The following NR3C1 variants were observed in gnomAD, a reference collection of about 807,000 sequenced individuals.
NR3C1 encodes glucocorticoid receptor.
A neutral mutation model predicts 74.0 loss-of-function variants in NR3C1; 14 were observed. The ratio of observed to expected loss-of-function variants is 0.19; its 90% confidence interval spans 0.12 to 0.30. The LOEUF (loss-of-function observed/expected upper bound fraction) is 0.30, where lower values mean the gene tolerates loss of function less well. NR3C1 is among the 10% of genes least tolerant of loss of function. The pLI, the probability that NR3C1 is intolerant of heterozygous loss-of-function variation, is 1.00. For synonymous variants in NR3C1, 308 were observed against 332.5 expected (o/e 0.93, Z 0.80); for missense variants, 695 against 909.8 (o/e 0.76, Z 3.04).
chr5:143,330,954 A>G (rs1347850031), intron 2 of NR3C1, among the ~76,000 whole-genome samples: 1 of 152,220 alleles, frequency 6.6e-6, no homozygotes, highest in Non-Finnish European at 1.5e-5. Context: ...GAAAAAAACT[A>G]TTTTAAAATT....
intron 2 of NR3C1, among the ~76,000 whole-genome samples, chr5:143,350,887 G>A (rs1400567664): frequency 6.6e-6 from 1 of 152,136 alleles, no homozygotes; most frequent in Non-Finnish European, 1.5e-5. Flanking sequence ...CAGGGCTGGT[G>A]CCAACAGTAG....
At chr5:143,403,878 G>A (rs1232489319), upstream of NR3C1, 3 of 977,372 alleles carry the variant, frequency 3.1e-6, no homozygotes, top group African/African-American at 5.3e-5. Flanking sequence ...GACGGCGCCT[G>A]CACGCCCGCG....
At chr5:143,325,348 A>G (rs890586720) in intron 2 of NR3C1, among the ~76,000 whole-genome samples, 1 of 152,244 alleles carries the variant, frequency 6.6e-6, no homozygotes, top group Non-Finnish European at 1.5e-5. Context: ...TGTGAGACTT[A>G]TTAACTATCA....
intron 2 of NR3C1, among the ~76,000 whole-genome samples, chr5:143,340,108 T>C (rs1827902753): frequency 6.6e-6 from 1 of 152,014 alleles, no homozygotes. Context: ...GCAAAACACA[T>C]ATACACAATA....
intron 2 of NR3C1, among the ~76,000 whole-genome samples, chr5:143,328,614 A>T (rs917038583): frequency 6.6e-6 from 1 of 152,210 alleles, no homozygotes; most frequent in African/African-American, 2.4e-5. Context: ...ATTTCAGACC[A>T]TATCTTCGTG....
At chr5:143,339,992 A>C (rs1271063503) in intron 2 of NR3C1, among the ~76,000 whole-genome samples, 1 of 152,214 alleles carries the variant, frequency 6.6e-6, no homozygotes, top group Admixed American at 6.5e-5. Context: ...TAATGACTAG[A>C]ATTAGTTAAT....
At chr5:143,435,199 C>T (rs1431712916) in exon 1 of NR3C1, 2 of 985,408 alleles carry the variant, frequency 2.0e-6, no homozygotes, top group Middle Eastern at 5.2e-4. Context: ...TTTTTCTTCT[C>T]TTACCCTCTT....
At chr5:143,349,239 T>C (rs1204679057) in intron 2 of NR3C1, among the ~76,000 whole-genome samples, 1 of 152,200 alleles carries the variant, frequency 6.6e-6, no homozygotes, top group African/African-American at 2.4e-5. Context: ...CACTATCTGA[T>C]GATGGCTGTT....
intron 1 of NR3C1, chr5:143,433,824 A>G (rs941084447): frequency 6.6e-6 from 1 of 152,326 alleles, no homozygotes; most frequent in Non-Finnish European, 1.5e-5. Context: ...GATCCTGTTC[A>G]AACCTAAGGC....
At chr5:143,398,548 G>A (rs998048900) in intron 2 of NR3C1, among the ~76,000 whole-genome samples, 1 of 151,844 alleles carries the variant, frequency 6.6e-6, no homozygotes, top group African/African-American at 2.4e-5. Flanking sequence ...TAATGGGAAC[G>A]ATGAATATCA....
At chr5:143,433,464 A>ATATTTTATTTATTTATAT (rs1751962715) in intron 1 of NR3C1, among the ~76,000 whole-genome samples, 1 of 146,472 alleles carries the variant, frequency 6.8e-6, no homozygotes, top group Non-Finnish European at 1.5e-5. Context: ...ATATATATAT[A>ATATTTTATTTATTTATAT]TATATATTTA....
intron 1 of NR3C1, among the ~76,000 whole-genome samples, chr5:143,430,010 A>G (rs1238342252): frequency 6.6e-6 from 1 of 151,618 alleles, no homozygotes; most frequent in East Asian, 1.9e-4. Flanking sequence ...TGAGCCTGGG[A>G]GGTGGAGGTT....
intron 4 of NR3C1, among the ~76,000 whole-genome samples, chr5:143,309,433 A>C (rs1001722856): frequency 2.0e-5 from 3 of 152,108 alleles, no homozygotes; most frequent in African/African-American, 7.2e-5. Context: ...TTTTTCAAAC[A>C]CTCATTTTAT....
At chr5:143,321,711 A>G (rs533035400) in intron 2 of NR3C1, among the ~76,000 whole-genome samples, 1 of 152,320 alleles carries the variant, frequency 6.6e-6, no homozygotes, top group African/African-American at 2.4e-5. Flanking sequence ...GGGATCCTGG[A>G]TTCTACAAAT....
chr5:143,300,861 A>G lies in NR3C1; in HGVS notation c.1469-98T>C. The G allele has an allele frequency of 8.7e-7, 1 of 1,153,416 alleles. No homozygotes were observed. The highest frequency in any genetic ancestry group is 1.2e-6 in the Non-Finnish European group (1 of 820,714). The allele number at this position is 1,153,416 out of a possible 1,614,324, so 71.4% of individuals were successfully genotyped here. On this transcript the variant is annotated intron_variant, in intron 4 of 8. Transcript: ENST00000394464. The surrounding 1 kb of genome is among the most constrained non-coding windows in gnomAD (Gnocchi z 5.2). ...AGTATTTTTACTTTCTAAAACTATT[A>G]AGATGGGAGAAATATTTTATTTAGC...
At chr5:143,357,523 G>T (rs1831371511) in intron 2 of NR3C1, among the ~76,000 whole-genome samples, 1 of 152,192 alleles carries the variant, frequency 6.6e-6, no homozygotes, top group Non-Finnish European at 1.5e-5. Flanking sequence ...GTGTGCAGCT[G>T]CATTGGCAAA....
intron 2 of NR3C1, among the ~76,000 whole-genome samples, chr5:143,370,401 G>A (rs149851817): frequency 1.8e-4 from 28 of 152,226 alleles, no homozygotes; most frequent in African/African-American, 4.8e-4. Context: ...AATGCATATC[G>A]TCAGCATTCT....
intron 1 of NR3C1, among the ~76,000 whole-genome samples, chr5:143,419,450 C>T (rs1751101536): frequency 6.6e-6 from 1 of 152,066 alleles, no homozygotes; most frequent in African/African-American, 2.4e-5. Flanking sequence ...CCCCGATAGT[C>T]ACATAGGTTC....
chr5:143,338,065 T>C (rs1827488627), intron 2 of NR3C1, among the ~76,000 whole-genome samples: 1 of 152,216 alleles, frequency 6.6e-6, no homozygotes, highest in Non-Finnish European at 1.5e-5. Flanking sequence ...TTTCAGTCAA[T>C]GATGGACAGC....
Sources: gnomAD v4.1 joint callset for allele counts (sites outside exome capture counted in the v4.1 genomes callset) on GRCh38, gnomAD v4.1.1 for gene constraint, Gnocchi (gnomAD v3.1) non-coding constraint, MANE v1.5 for transcripts, NCBI Gene and HGNC (gene_info 2026-07-23, HGNC 2026-07-21) for gene names.